Variants in CDR2L observed in about 807,000 individuals in gnomAD.
CDR2L encodes cerebellar degeneration related protein 2 like.
Under a neutral mutation model 36.1 loss-of-function variants are expected in CDR2L, and 19 were observed. The ratio of observed to expected loss-of-function variants is 0.53; its 90% CI spans 0.37 to 0.77. The LOEUF is 0.77. Ranked by LOEUF, CDR2L falls within the 30% of genes least tolerant of loss-of-function variation. The pLI is 0.00. For missense variants in CDR2L, 575 were observed against 627.2 expected (o/e 0.92, Z 0.89); for synonymous variants, 285 against 280.4 (o/e 1.02, Z -0.16).
rs1358639672 is a variant in CDR2L at position 74,989,550 on chromosome 17, G to C, written c.79+1428G>C. On this transcript the variant is annotated intron_variant, in intron 1 of 4. Transcript: ENST00000337231. This position sits in a 1 kb window ranked among gnomAD's most constrained non-coding sequence, Gnocchi z 4.2. The stretch of plus-strand genomic sequence containing the variant: ...TACCAGACACCATCCTGGGAGCTAG[G>C]AATAGTCACAGCCCTGACCCTGAAG... 6.6e-6 allele frequency among the ~76,000 whole-genome samples: 1 copy of C among 152,104 alleles called. No individual in the cohort carries two copies. Among genetic ancestry groups the C allele is most frequent in the African/African-American group, 2.4e-5 (1 of 41,402 alleles).
intron 1 of CDR2L, among the ~76,000 whole-genome samples, chr17:74,995,971 C>T (rs1321710717): frequency 6.6e-6 from 1 of 151,912 alleles, no homozygotes; most frequent in African/African-American, 2.4e-5. Context: ...TTCTCCGTCT[C>T]TGGATTAAGC....
rs1031345478 is a variant in CDR2L, at chr17:75,004,270, C to T, written c.*196C>T. 1.3e-5 allele frequency: 7 copies of T among 556,452 alleles called. No homozygotes were observed. Among genetic ancestry groups the T allele is most frequent in the East Asian group, 6.1e-5 (2 of 32,778 alleles). The allele number at this position is 556,452 out of a possible 1,614,324, so 34.5% of individuals were successfully genotyped here. ...GTCCTGCCTCCCAGGAGCCCTTGGC[C>T]ACCTCGCGCCAGCCCAAAGGCGCAG... On this transcript the variant is annotated 3_prime_UTR_variant, in exon 5 of 5. Transcript: ENST00000337231.
intron 1 of CDR2L, among the ~76,000 whole-genome samples, chr17:74,995,575 C>T (rs1437203034): frequency 6.6e-6 from 1 of 152,136 alleles, no homozygotes; most frequent in Non-Finnish European, 1.5e-5. Context: ...GGCACAATCT[C>T]GGCTCACTGC....
chr17:74,993,941 G>A (rs984353543), intron 1 of CDR2L, among the ~76,000 whole-genome samples: 3 of 152,144 alleles, frequency 2.0e-5, no homozygotes, highest in Non-Finnish European at 4.4e-5. Context: ...TTTATGTCCA[G>A]GCCCAGTGGC....
chr17:74,990,773 A>T (rs566112177), intron 1 of CDR2L, among the ~76,000 whole-genome samples: 3 of 152,242 alleles, frequency 2.0e-5, no homozygotes, highest in African/African-American at 7.2e-5. Flanking sequence ...AGGCATGGAG[A>T]GCTGGATGGT....
chr17:74,989,776 T>C lies in CDR2L; in HGVS notation c.79+1654T>C, dbSNP rs190267910. Among the ~76,000 whole-genome samples, 1 of 152,306 alleles carries C rather than the reference T, an allele frequency of 6.6e-6. No homozygotes were observed. Among genetic ancestry groups the C allele is most frequent in the Admixed American group, 6.5e-5 (1 of 15,300 alleles). ...TTCAAGTGATTCTCCTGCCTCAGCC[T>C]CCTGAGTAGCTGGGACCACACCTGG... On this transcript the variant is annotated intron_variant, in intron 1 of 4. Coordinates refer to ENST00000337231, the MANE Select transcript of CDR2L (RefSeq NM_014603.3). The surrounding 1 kb of genome is among the most constrained non-coding windows in gnomAD (Gnocchi z 4.2).
At chr17:74,999,902 T>C (rs2039854708) in intron 2 of CDR2L, among the ~76,000 whole-genome samples, 1 of 152,052 alleles carries the variant, frequency 6.6e-6, no homozygotes. Flanking sequence ...CTCAGCGTCC[T>C]AAAGTGCTAG....
chr17:75,003,417 G>C lies in CDR2L; in HGVS notation c.741G>C (p.Leu247=). The change falls in exon 5 of 5, where the codon CTG becomes CTC. Residue 247 remains leucine (L), a synonymous_variant. Coordinates refer to ENST00000337231, the MANE Select transcript of CDR2L (RefSeq NM_014603.3). ...MEACRLRVQE[L]EAELLELQQM... ...CCTGTCGCCTGCGTGTGCAGGAGCT[G>C]GAGGCCGAGCTGCTGGAGCTGCAGC... is the stretch of plus-strand genomic sequence containing the variant. The C allele has an allele frequency of 3.2e-6, 5 of 1,574,250 alleles. No individual in the cohort carries two copies. Among genetic ancestry groups the C allele is most frequent in the Non-Finnish European group, 3.4e-6 (4 of 1,161,046 alleles).
At chr17:74,996,186 G>A (rs1487835479) in intron 1 of CDR2L, among the ~76,000 whole-genome samples, 1 of 152,072 alleles carries the variant, frequency 6.6e-6, no homozygotes, top group East Asian at 1.9e-4. Context: ...ACTCACACCT[G>A]TAATTCCAGC....
intron 1 of CDR2L, among the ~76,000 whole-genome samples, chr17:74,988,895 C>T (rs1026210635): frequency 6.6e-6 from 1 of 151,898 alleles, no homozygotes; most frequent in East Asian, 1.9e-4. Context: ...ATGAGGTGGC[C>T]GAAATGACAT....
intron 1 of CDR2L, among the ~76,000 whole-genome samples, chr17:74,993,061 C>T (rs1433377783): frequency 6.6e-6 from 1 of 152,190 alleles, no homozygotes; most frequent in Non-Finnish European, 1.5e-5. Flanking sequence ...GACCATGTAA[C>T]AGTTTCCAAG....
At chr17:74,998,560 G>A (rs768937556) in intron 1 of CDR2L, among the ~76,000 whole-genome samples, 13 of 152,068 alleles carry the variant, frequency 8.5e-5, no homozygotes, top group Non-Finnish European at 1.8e-4. Flanking sequence ...AGTTAGTTGG[G>A]GGAGCTGAAA....
At chr17:74,991,824 C>T (rs1159365611) in intron 1 of CDR2L, among the ~76,000 whole-genome samples, 1 of 152,206 alleles carries the variant, frequency 6.6e-6, no homozygotes, top group Non-Finnish European at 1.5e-5. Context: ...AGGCCCTGTG[C>T]GTTCCTCTTT....
intron 1 of CDR2L, among the ~76,000 whole-genome samples, chr17:74,992,145 C>A (rs1247414772): frequency 3.9e-5 from 6 of 152,166 alleles, no homozygotes; most frequent in Non-Finnish European, 1.5e-5. Flanking sequence ...TCTCCCTTTG[C>A]TGAGTCTCTG....
At chr17:74,994,170 C>T (rs1270059748) in intron 1 of CDR2L, among the ~76,000 whole-genome samples, 1 of 152,224 alleles carries the variant, frequency 6.6e-6, no homozygotes, top group Non-Finnish European at 1.5e-5. Context: ...ATAGCAAGGG[C>T]TCAGCCGAAA....
chr17:74,996,745 AG>A (rs2039828645), intron 1 of CDR2L, among the ~76,000 whole-genome samples: 1 of 152,060 alleles, frequency 6.6e-6, no homozygotes, highest in African/African-American at 2.4e-5. Flanking sequence ...TACAAGCACC[AG>A]GGCTGTTGGG....
rs1481200507 is a variant in CDR2L at position 74,988,076 on chromosome 17, C to T, written c.33C>T (p.Ser11=). Residue 11 remains serine, a synonymous_variant, in exon 1 of 5, where the codon TCC becomes TCT. Transcript: ENST00000337231. The stretch of plus-strand genomic sequence containing the variant: ...GAGCCGCCGGGATGGAGGACTTCTC[C>T]GCGGAGGAAGAGGAGTCCTGGTACG... MRRAAGMEDF[S]AEEEESWYDQ... is the part of the protein sequence containing the mutation. The T allele has an allele frequency of 6.5e-7, 1 of 1,532,190 alleles. No individual in the cohort carries two copies. Among genetic ancestry groups the T allele is most frequent in the Admixed American group, 2.1e-5 (1 of 48,600 alleles). The allele number at this position is 1,532,190 out of a possible 1,614,324, so 94.9% of individuals were successfully genotyped here.
intron 1 of CDR2L, among the ~76,000 whole-genome samples, chr17:74,993,824 T>C (rs1299186136): frequency 6.6e-6 from 1 of 152,202 alleles, no homozygotes; most frequent in African/African-American, 2.4e-5. Context: ...CACAGGGCCC[T>C]CCTTTGGCTA....
In CDR2L at chr17:75,004,239, C is replaced by A; in HGVS notation, c.*165C>A. On this transcript the variant is annotated 3_prime_UTR_variant, in exon 5 of 5. Coordinates refer to ENST00000337231, the MANE Select transcript of CDR2L (RefSeq NM_014603.3). The stretch of plus-strand genomic sequence containing the variant: ...ATGTTCCCTGCTGAGCGGAGGCAGC[C>A]CACCTGTCCTGCCTCCCAGGAGCCC... The A allele has an allele frequency of 1.6e-6, 1 of 630,652 alleles. No individual in the cohort carries two copies. Among genetic ancestry groups the A allele is most frequent in the Non-Finnish European group, 2.7e-6 (1 of 371,204 alleles). 39.1% of individuals were successfully genotyped at this position (630,652 alleles called of 1,614,324 possible).
Sources: allele counts gnomAD v4.1 joint callset (sites outside exome capture counted in the v4.1 genomes callset), GRCh38; gene constraint gnomAD v4.1.1; non-coding constraint Gnocchi (gnomAD v3.1); transcripts MANE v1.5; gene names NCBI Gene and HGNC (gene_info 2026-07-23, HGNC 2026-07-21).